Variants in EGLN3 observed in about 807,000 individuals in gnomAD.
The protein encoded by EGLN3 is prolyl hydroxylase EGLN3.
A neutral mutation model predicts 26.0 loss-of-function variants in EGLN3; 15 were observed. That is an observed-to-expected ratio of 0.58 (90% CI 0.39 to 0.89). The LOEUF is 0.89. Ranked by LOEUF, EGLN3 falls within the 40% of genes least tolerant of loss-of-function variation. The probability of loss-of-function intolerance (pLI) is 0.00; values close to 1 mark genes in which losing one functional copy is unlikely to be tolerated. For missense variants in EGLN3, 238 were observed against 311.6 expected (o/e 0.76, Z 1.78); for synonymous variants, 147 against 127.2 (o/e 1.16, Z -1.05).
chr14:33,949,547 T>C (rs2064541953), intron 1 of EGLN3: 1 of 152,242 alleles, frequency 6.6e-6, no homozygotes, highest in African/African-American at 2.4e-5. Context: ...TGAGAAAGCC[T>C]ATCCCAAAGT....
chr14:33,944,819 A>C (rs1478696574), intron 1 of EGLN3, among the ~76,000 whole-genome samples: 2 of 152,238 alleles, frequency 1.3e-5, no homozygotes, highest in African/African-American at 2.4e-5. Context: ...CACAGTGTGC[A>C]GCACTGAGTG....
chr14:33,947,814 G>T (rs951298634), intron 1 of EGLN3, among the ~76,000 whole-genome samples: 1 of 152,150 alleles, frequency 6.6e-6, no homozygotes, highest in South Asian at 2.1e-4. Flanking sequence ...AACTTTGGGA[G>T]GCCGAGGCGG....
In EGLN3 at chr14:33,950,705, C is replaced by A; in HGVS notation, c.48G>T (p.Leu16=). The A allele has an allele frequency of 6.2e-7, 1 of 1,614,018 alleles. No individual in the cohort carries two copies. The highest frequency in any genetic ancestry group is 8.5e-7 in the Non-Finnish European group (1 of 1,179,952). The change falls in exon 1 of 5, where the codon CTG becomes CTT. Residue 16 remains leucine (L), a synonymous_variant. Coordinates refer to ENST00000250457, the MANE Select transcript of EGLN3 (RefSeq NM_022073.4). ...CGTGCAGACAGGGCACGATGTACTC[C>A]AGGGCAATTTTCTCCAGGTCCAGCC... ...IMRLDLEKIA[L]EYIVPCLHEV...
intron 1 of EGLN3, chr14:33,949,455 C>T (rs2064540917): frequency 1.3e-5 from 2 of 152,214 alleles, no homozygotes; most frequent in Admixed American, 6.5e-5. Context: ...TTCTGAACGT[C>T]CCTTGACCAC....
chr14:33,931,811 G>A (rs1464718450), intron 1 of EGLN3, among the ~76,000 whole-genome samples: 1 of 152,148 alleles, frequency 6.6e-6, no homozygotes. Context: ...GACAACACAG[G>A]GAGATTCCTT....
rs748102931 is a variant in EGLN3 at position 33,929,115 on chromosome 14, C to T, written c.575G>A (p.Arg192His). Residue 192 changes from arginine to histidine, a missense_variant, in exon 3 of 5, where the codon CGT becomes CAT. Arg to His is a conservative substitution (Grantham distance 29). Coordinates refer to ENST00000250457, the MANE Select transcript of EGLN3 (RefSeq NM_022073.4). Reference protein sequence around the residue: ...FDRLLFFWSDRRNPHEVQPSY... With the variant: ...FDRLLFFWSDHRNPHEVQPSY... The stretch of plus-strand genomic sequence containing the variant: ...GGGCTGCACTTCGTGTGGGTTCCTA[C>T]GATCTGACCAGAAGAACAGGAGTCT... 3.7e-6 allele frequency: 6 copies of T among 1,614,104 alleles called. No individual in the cohort carries two copies. The highest frequency in any genetic ancestry group is 5.1e-6 in the Non-Finnish European group (6 of 1,180,014).
At chr14:33,930,945 T>C in intron 2 of EGLN3, 151 bp downstream of exon 2, 1 of 1,216,282 alleles carries the variant, frequency 8.2e-7, no homozygotes, top group East Asian at 2.4e-5. Context: ...ACTAATTCCA[T>C]TGTCGCAGGA....
At chr14:33,950,343 G>T in intron 1 of EGLN3, 53 bp downstream of exon 1, 1 of 1,545,804 alleles carries the variant, frequency 6.5e-7, no homozygotes, top group Non-Finnish European at 8.9e-7. Context: ...CGGACTCCGA[G>T]TGCCTCCCGT....
At chr14:33,931,343 T>A (rs1414680310) in intron 1 of EGLN3, 128 bp from the exon 2 acceptor site, 3 of 1,412,486 alleles carry the variant, frequency 2.1e-6, no homozygotes, top group Non-Finnish European at 1.9e-6. Context: ...GTTGCTGGCT[T>A]CTTAATTTCA....
intron 2 of EGLN3, among the ~76,000 whole-genome samples, chr14:33,930,441 T>C (rs1344556595): frequency 6.6e-6 from 1 of 152,210 alleles, no homozygotes; most frequent in Non-Finnish European, 1.5e-5. Flanking sequence ...CCAAATAAGC[T>C]TGAAAAGTTA....
At chr14:33,939,708 C>T (rs7154791) in intron 1 of EGLN3, among the ~76,000 whole-genome samples, 6,360 of 152,208 alleles carry the variant, frequency 0.042, 360 homozygotes, top group African/African-American at 0.13. Flanking sequence ...CTTCACAAAT[C>T]GGACCTCCTT....
intron 1 of EGLN3, among the ~76,000 whole-genome samples, chr14:33,939,263 T>G (rs927871079): frequency 6.6e-6 from 1 of 151,624 alleles, no homozygotes; most frequent in Non-Finnish European, 1.5e-5. Context: ...CAGGCTGGAG[T>G]GCACTGGCGC....
intron 1 of EGLN3, among the ~76,000 whole-genome samples, chr14:33,945,298 TTTATGG>T (rs1247298856): frequency 1.3e-5 from 2 of 152,220 alleles, no homozygotes; most frequent in Non-Finnish European, 2.9e-5. Flanking sequence ...AGAGATACCA[TTTATGG>T]TATCCAGCTC....
chr14:33,934,778 C>T (rs1251944387), intron 1 of EGLN3, among the ~76,000 whole-genome samples: 1 of 152,134 alleles, frequency 6.6e-6, no homozygotes, highest in Non-Finnish European at 1.5e-5. Flanking sequence ...GAGACAGATT[C>T]ACTAGTATGA....
At chr14:33,932,666 C>T (rs1444797781) in intron 1 of EGLN3, among the ~76,000 whole-genome samples, 1 of 152,162 alleles carries the variant, frequency 6.6e-6, no homozygotes, top group Non-Finnish European at 1.5e-5. Flanking sequence ...CCATATCCTG[C>T]CTTTGAACAT....
Position 33,950,545 on chromosome 14 carries a change from T to A in EGLN3, c.208A>T (p.Lys70Ter). 3.1e-6 allele frequency: 5 copies of A among 1,612,548 alleles called. No homozygotes were observed. The highest frequency in any genetic ancestry group is 4.2e-6 in the Non-Finnish European group (5 of 1,179,344). Residue 70 changes from lysine to a stop codon, truncating the protein, a stop_gained, in exon 1 of 5, where the codon AAG (lysine) becomes TAG (stop). Transcript: ENST00000250457. LOFTEE classifies it high-confidence loss of function. The part of the protein sequence containing the change: ...QLAGPRAGVS[K>*]RHLRGDQITW... ...ATCTGGTCGCCCCGCAGGTGTCGCT[T>A]GGAGACGCCGGCGCGCGGCCCCGCC... is the stretch of plus-strand genomic sequence containing the variant.
At chr14:33,933,039 A>AC (rs1450435582) in intron 1 of EGLN3, among the ~76,000 whole-genome samples, 1 of 152,188 alleles carries the variant, frequency 6.6e-6, no homozygotes, top group Admixed American at 6.5e-5. Context: ...CTGAAAAGAA[A>AC]AAGTATGACA....
chr14:33,934,111 T>C (rs2064423542), intron 1 of EGLN3, among the ~76,000 whole-genome samples: 1 of 152,208 alleles, frequency 6.6e-6, no homozygotes, highest in Non-Finnish European at 1.5e-5. Flanking sequence ...TTGGATATAC[T>C]GATAAATCCA....
Position 33,925,900 on chromosome 14 carries a change from A to AGTGAGGGCAGATTCAGTTTTCCCTGGG in EGLN3, c.689-5_710dup (p.Thr237_Glu238insProGlyLysThrGluSerAlaLeuThr), listed in dbSNP as rs751990465. ...AGATTTCAGAGCACGGTCAGTCTTC[A>AGTGAGGGCAGATTCAGTTTTCCCTGGG]GTGAGGGCAGATTCAGTTTTCCCTG... is the stretch of plus-strand genomic sequence containing the variant. On this transcript the variant is annotated inframe_insertion, in exon 5 of 5. Coordinates refer to ENST00000250457, the MANE Select transcript of EGLN3 (RefSeq NM_022073.4). 1 of 1,613,554 alleles carries AGTGAGGGCAGATTCAGTTTTCCCTGGG rather than the reference A, an allele frequency of 6.2e-7. No homozygotes were observed. The highest frequency in any genetic ancestry group is 8.5e-7 in the Non-Finnish European group (1 of 1,179,774).
Sources: allele counts gnomAD v4.1 joint callset (sites outside exome capture counted in the v4.1 genomes callset), GRCh38; gene constraint gnomAD v4.1.1; transcripts MANE v1.5; gene names NCBI Gene and HGNC (gene_info 2026-07-23, HGNC 2026-07-21).